TMEM74: variants seen among roughly 807,000 people sequenced by gnomAD.
The protein encoded by TMEM74 is transmembrane protein 74.
In TMEM74, 13 loss-of-function variants were observed where a neutral mutation model predicts 18.1. The ratio of observed to expected loss-of-function variants is 0.72; its 90% CI spans 0.47 to 1.14. TMEM74 has a LOEUF of 1.14. TMEM74 is among the 50% of genes most tolerant of loss of function. TMEM74 has a pLI of 0.00. For missense variants in TMEM74, 372 were observed against 375.9 expected, an observed-to-expected ratio of 0.99 and a Z score of 0.09; for synonymous variants, 159 against 146.6, an observed-to-expected ratio of 1.08 and a Z score of -0.61.
rs184841208 is a variant in TMEM74, at chr8:108,650,750, C to G, written n.264+4543G>C. Among the ~76,000 whole-genome samples the G allele has an allele frequency of 5.5e-3, 827 of 151,258 alleles. 12 individuals carry two copies. Among genetic ancestry groups the G allele is most frequent in the African/African-American group, 0.019 (777 of 41,110 alleles). On this transcript the variant is annotated intron_variant and non_coding_transcript_variant, in intron 2 of 3. Transcript: ENST00000518838. ...TTTTAGATGAAGGCTTGCTCTTGTC[C>G]CCCAGGCTGGAGTGCAATGGCATGA...
intron 1 of TMEM74, among the ~76,000 whole-genome samples, chr8:108,691,117 T>G (rs1209943612): frequency 6.6e-6 from 1 of 152,170 alleles, no homozygotes; most frequent in Non-Finnish European, 1.5e-5. Context: ...TCTAAACGGT[T>G]TCTTTTGTCT....
intron 1 of TMEM74, among the ~76,000 whole-genome samples, chr8:108,661,017 A>G (rs533366336): frequency 6.6e-6 from 1 of 152,258 alleles, no homozygotes; most frequent in African/African-American, 2.4e-5. Flanking sequence ...CCATTCCCAG[A>G]GATTGACTAG....
chr8:108,644,473 A>G lies in TMEM74; in HGVS notation n.264+10820T>C, dbSNP rs1273453677. On this transcript the variant is annotated intron_variant and non_coding_transcript_variant, in intron 2 of 3. Coordinates refer to the TMEM74 transcript ENST00000518838. Reference sequence around the variant, plus strand: ...ACTGATGGCTAAGACCTCAAAAGCAATTGCACCGAAACCAAAAATTGACAC... The same window carrying G: ...ACTGATGGCTAAGACCTCAAAAGCAGTTGCACCGAAACCAAAAATTGACAC... Among the ~76,000 whole-genome samples, 3 of 152,138 alleles carry G rather than the reference A, an allele frequency of 2.0e-5. No individual in the cohort carries two copies. In the East Asian group the frequency reaches 5.8e-4, roughly 29 times the overall value.
intron 2 of TMEM74, among the ~76,000 whole-genome samples, chr8:108,654,982 A>G (rs551639349): frequency 1.3e-5 from 2 of 152,288 alleles, no homozygotes; most frequent in African/African-American, 4.8e-5. Flanking sequence ...TAATGTACTA[A>G]TTACTATAGG....
intron 1 of TMEM74, among the ~76,000 whole-genome samples, chr8:108,772,767 T>C (rs58538263): frequency 0.15 from 22,806 of 152,106 alleles, 3,349 homozygotes; most frequent in African/African-American, 0.38. Flanking sequence ...AGCAAGTGTA[T>C]TAAGTGATTT....
intron 1 of TMEM74, among the ~76,000 whole-genome samples, chr8:108,756,346 T>A (rs1330380702): frequency 3.3e-5 from 5 of 151,818 alleles, no homozygotes; most frequent in Non-Finnish European, 7.4e-5. Flanking sequence ...AAAATTATAT[T>A]ATGTTTCCCT....
At chr8:108,621,709 G>A (rs771520787) in intron 2 of TMEM74, among the ~76,000 whole-genome samples, 16 of 152,118 alleles carry the variant, frequency 1.1e-4, no homozygotes, top group Non-Finnish European at 1.6e-4. Flanking sequence ...GGATTCTGGA[G>A]GTAGCTCTGC....
At chr8:108,710,699 C>T (rs888267398) in intron 1 of TMEM74, among the ~76,000 whole-genome samples, 7 of 152,208 alleles carry the variant, frequency 4.6e-5, no homozygotes, top group African/African-American at 1.7e-4. Flanking sequence ...TTGGCTCTCT[C>T]TTGCCGTCAG....
At chr8:108,687,978 T>C (rs988807014) in intron 1 of TMEM74, among the ~76,000 whole-genome samples, 2 of 152,056 alleles carry the variant, frequency 1.3e-5, no homozygotes, top group African/African-American at 4.8e-5. Flanking sequence ...AATAACCTAA[T>C]AAGAAAAATG....
intron 1 of TMEM74, among the ~76,000 whole-genome samples, chr8:108,720,750 ATTTATTAGTTT>A (rs1563534941): frequency 0.31 from 46,365 of 148,496 alleles, 7,734 homozygotes; most frequent in East Asian, 0.5. Context: ...TTATTTATTT[ATTTATTAGTTT>A]GTTTGTTTGT....
intron 2 of TMEM74, among the ~76,000 whole-genome samples, chr8:108,622,429 T>G (rs1356388512): frequency 6.6e-6 from 1 of 152,124 alleles, no homozygotes. Context: ...CAATGCATGT[T>G]TTTTAACCAC....
At chr8:108,773,356 G>T (rs112216239) in intron 1 of TMEM74, among the ~76,000 whole-genome samples, 2,607 of 152,018 alleles carry the variant, frequency 0.017, 74 homozygotes, top group African/African-American at 0.06. Flanking sequence ...CCTAAAATAG[G>T]AATTAAAATA....
chr8:108,637,925 T>C (rs1812623428), intron 2 of TMEM74, among the ~76,000 whole-genome samples: 1 of 152,150 alleles, frequency 6.6e-6, no homozygotes, highest in Non-Finnish European at 1.5e-5. Context: ...AAAGCAAAGT[T>C]GGTAAAATAA....
chr8:108,745,514 G>A (rs561661972), intron 1 of TMEM74, among the ~76,000 whole-genome samples: 1 of 152,094 alleles, frequency 6.6e-6, no homozygotes, highest in African/African-American at 2.4e-5. Context: ...TACAGAAACA[G>A]GTGCTGGGCT....
At chr8:108,662,114 G>C (rs2130582010) in intron 1 of TMEM74, among the ~76,000 whole-genome samples, 1 of 152,190 alleles carries the variant, frequency 6.6e-6, no homozygotes, top group Non-Finnish European at 1.5e-5. Context: ...AGACCCATTG[G>C]GAGAACAAAG....
intron 1 of TMEM74, among the ~76,000 whole-genome samples, chr8:108,666,149 T>C (rs1259962070): frequency 2.0e-5 from 3 of 152,142 alleles, no homozygotes; most frequent in East Asian, 3.8e-4. Flanking sequence ...ATCCAAACTC[T>C]CCAATTGAAA....
At chr8:108,664,498 T>A (rs1055469709) in intron 1 of TMEM74, among the ~76,000 whole-genome samples, 7 of 152,164 alleles carry the variant, frequency 4.6e-5, no homozygotes, top group African/African-American at 1.7e-4. Flanking sequence ...ATCTCAAGAC[T>A]TCGTTAAAGT....
At chr8:108,690,227 G>A (rs1813211553) in intron 1 of TMEM74, among the ~76,000 whole-genome samples, 1 of 152,068 alleles carries the variant, frequency 6.6e-6, no homozygotes, top group African/African-American at 2.4e-5. Flanking sequence ...GAGTAAATCA[G>A]CAAGGCTAAC....
intron 2 of TMEM74, among the ~76,000 whole-genome samples, chr8:108,636,060 A>G (rs772360486): frequency 6.6e-5 from 10 of 152,090 alleles, no homozygotes; most frequent in Non-Finnish European, 8.8e-5. Flanking sequence ...ACATTTAATT[A>G]CTTTATATTC....
Sources: gnomAD v4.1 joint callset for allele counts (sites outside exome capture counted in the v4.1 genomes callset) on GRCh38, gnomAD v4.1.1 for gene constraint, MANE v1.5 for transcripts, NCBI Gene and HGNC (gene_info 2026-07-23, HGNC 2026-07-21) for gene names.